The following MED27 variants were observed in gnomAD, a reference collection of about 807,000 sequenced individuals.
MED27 encodes the protein mediator of RNA polymerase II transcription subunit 27.
In MED27, 30 loss-of-function variants were observed where a neutral mutation model predicts 38.2. The observed-to-expected ratio is 0.79, with a 90% confidence interval of 0.59 to 1.07. The LOEUF is 1.07. Among genes scored for constraint, MED27 ranks in the 50% least tolerant of loss-of-function variants. The pLI, the probability that MED27 is intolerant of heterozygous loss-of-function variation, is 0.00. For synonymous variants in MED27, 122 were observed against 153.5 expected, an observed-to-expected ratio of 0.79 and a Z score of 1.52; for missense variants, 289 against 397.5, an observed-to-expected ratio of 0.73 and a Z score of 2.32.
rs79530248 is a variant in MED27 at position 131,872,570 on chromosome 9, C to T, written c.724-9430G>A. On this transcript the variant is annotated intron_variant, in intron 6 of 7. Transcript: ENST00000292035. This position sits in a 1 kb window ranked among gnomAD's most constrained non-coding sequence, Gnocchi z 5.6. ...GACAAAAAGGCAGACAGAGGGGAAC[C>T]GTAAGGAGACCGGGGTTTGACCCTA... 5.5e-3 allele frequency among the ~76,000 whole-genome samples: 842 copies of T among 152,222 alleles called. 7 individuals carry two copies. Among genetic ancestry groups the T allele is most frequent in the African/African-American group, 0.019 (790 of 41,520 alleles).
At position 131,883,488 on chromosome 9, in the gene MED27, A is replaced by G. The variant is rs1257604641; in HGVS notation, c.723+570T>C. 6.6e-6 allele frequency among the ~76,000 whole-genome samples: 1 copy of G among 152,148 alleles called. No individual in the cohort carries two copies. The highest frequency in any genetic ancestry group is 2.4e-5 in the African/African-American group (1 of 41,430). On this transcript the variant is annotated intron_variant, in intron 6 of 7. Coordinates refer to ENST00000292035, the MANE Select transcript of MED27 (RefSeq NM_004269.4). This position sits in a 1 kb window ranked among gnomAD's most constrained non-coding sequence, Gnocchi z 4.2. The stretch of plus-strand genomic sequence containing the variant: ...ACATTTCCCATAACAGTTTTTCATA[A>G]GGAAGCCCAATATCTGAAAAAGATA...
intron 3 of MED27, among the ~76,000 whole-genome samples, chr9:131,975,372 T>C (rs1161768395): frequency 2.0e-5 from 3 of 152,238 alleles, no homozygotes; most frequent in Non-Finnish European, 4.4e-5. Flanking sequence ...TCCTTTCATC[T>C]TGCTGAACAG....
chr9:131,950,067 C>T (rs1172076410), intron 3 of MED27, among the ~76,000 whole-genome samples: 1 of 152,034 alleles, frequency 6.6e-6, no homozygotes, highest in Non-Finnish European at 1.5e-5. Context: ...AACATTTAAG[C>T]AACATACTAA....
At chr9:131,979,321 C>T (rs375457294) in intron 3 of MED27, among the ~76,000 whole-genome samples, 10 of 152,118 alleles carry the variant, frequency 6.6e-5, no homozygotes, top group South Asian at 4.1e-4. Flanking sequence ...CAGGTAAGAT[C>T]CAGAGTATCT....
At chr9:131,943,836 T>C (rs1182330519) in intron 3 of MED27, among the ~76,000 whole-genome samples, 1 of 152,204 alleles carries the variant, frequency 6.6e-6, no homozygotes, top group Non-Finnish European at 1.5e-5. Flanking sequence ...ATTTGGTCAA[T>C]GAGCTGGCTT....
chr9:131,915,560 C>T (rs1830274133), intron 4 of MED27, among the ~76,000 whole-genome samples: 1 of 152,164 alleles, frequency 6.6e-6, no homozygotes, highest in South Asian at 2.1e-4. Context: ...GAAACAATGG[C>T]ACTTTTTAAT....
chr9:131,863,280 T>C (rs546658542), intron 6 of MED27, 140 bp from the exon 7 acceptor site: 14 of 680,816 alleles, frequency 2.1e-5, no homozygotes, highest in Non-Finnish European at 3.2e-5. Flanking sequence ...AAAATCTCTG[T>C]AGAAAAATTA....
At chr9:131,877,195 GCC>G (rs1838950993) in intron 6 of MED27, among the ~76,000 whole-genome samples, 1 of 152,214 alleles carries the variant, frequency 6.6e-6, no homozygotes, top group Non-Finnish European at 1.5e-5. Flanking sequence ...CCTCTTCCAG[GCC>G]TTCATCTGTG....
Position 131,894,196 on chromosome 9 carries a change from C to T in MED27, c.574-204G>A, listed in dbSNP as rs776348486. ...CTGAAAAATGTTTTGGGCCTCAACT[C>T]GTCTAACTTCCCTAAATTTATTTAT... is the stretch of plus-strand genomic sequence containing the variant. On this transcript the variant is annotated intron_variant, in intron 4 of 7. Transcript: ENST00000292035. 1.6e-4 allele frequency among the ~76,000 whole-genome samples: 24 copies of T among 152,208 alleles called. 1 individual carries two copies. The highest frequency in any genetic ancestry group is 2.6e-4 in the Admixed American group (4 of 15,290).
rs1053873979 is a variant in MED27, at chr9:131,861,085, T to C, written c.802-413A>G. ...GCTGTGCATGTGTGCTGAGGAAGCC[T>C]TGGAACCGAGGACAATTCCAGAGTT... On this transcript the variant is annotated intron_variant, in intron 7 of 7. Transcript: ENST00000292035. This position sits in a 1 kb window ranked among gnomAD's most constrained non-coding sequence, Gnocchi z 4.4. 1.3e-5 allele frequency among the ~76,000 whole-genome samples: 2 copies of C among 152,080 alleles called. No homozygotes were observed. Among genetic ancestry groups the C allele is most frequent in the African/African-American group, 4.8e-5 (2 of 41,392 alleles).
At chr9:132,018,588 C>T (rs1207756691) in intron 2 of MED27, among the ~76,000 whole-genome samples, 1 of 152,146 alleles carries the variant, frequency 6.6e-6, no homozygotes, top group African/African-American at 2.4e-5. Context: ...TTCATCACAC[C>T]GATCATGTTC....
At chr9:131,979,002 A>G (rs1453388019) in intron 3 of MED27, among the ~76,000 whole-genome samples, 1 of 152,222 alleles carries the variant, frequency 6.6e-6, no homozygotes, top group Non-Finnish European at 1.5e-5. Flanking sequence ...CCCTTTATGT[A>G]AAGAAATGAA....
At chr9:131,957,972 G>A (rs1246903942) in intron 3 of MED27, among the ~76,000 whole-genome samples, 2 of 151,928 alleles carry the variant, frequency 1.3e-5, no homozygotes, top group Non-Finnish European at 2.9e-5. Context: ...AGTCTGCCTG[G>A]AGTGCAGACT....
chr9:131,996,275 G>A (rs765804608), intron 3 of MED27, among the ~76,000 whole-genome samples: 1 of 152,202 alleles, frequency 6.6e-6, no homozygotes, highest in Admixed American at 6.5e-5. Context: ...GATTTTGACC[G>A]TGAATGAAGA....
chr9:132,064,941 T>C (rs1028831040), intron 2 of MED27, among the ~76,000 whole-genome samples: 2 of 152,096 alleles, frequency 1.3e-5, no homozygotes, highest in Non-Finnish European at 2.9e-5. Context: ...TAAAACTAGG[T>C]GCTTTGGGCA....
Position 131,951,051 on chromosome 9 carries a change from T to C in MED27, c.480-11577A>G, listed in dbSNP as rs375425484. Among the ~76,000 whole-genome samples the C allele has an allele frequency of 6.6e-5, 10 of 152,340 alleles. No homozygotes were observed. The East Asian group carries it at 1.2e-3, about 18-fold the overall frequency. The stretch of plus-strand genomic sequence containing the variant: ...GGGCAGCTGGGTTATAAAGCAGGAC[T>C]GAGATGATGACAAACGGAAAGTAAC... On this transcript the variant is annotated intron_variant, in intron 3 of 7. Coordinates refer to ENST00000292035, the MANE Select transcript of MED27 (RefSeq NM_004269.4).
At chr9:131,912,438 A>T (rs1830208512) in intron 4 of MED27, among the ~76,000 whole-genome samples, 1 of 152,230 alleles carries the variant, frequency 6.6e-6, no homozygotes, top group Non-Finnish European at 1.5e-5. Context: ...AGGCACTGGT[A>T]GCCTGGATCC....
At chr9:131,920,405 C>A (rs954128433) in intron 4 of MED27, among the ~76,000 whole-genome samples, 1 of 152,212 alleles carries the variant, frequency 6.6e-6, no homozygotes, top group Non-Finnish European at 1.5e-5. Flanking sequence ...TCTCTTTACA[C>A]ATACATGCAT....
At chr9:132,005,577 A>C (rs890542558) in intron 3 of MED27, among the ~76,000 whole-genome samples, 1 of 152,182 alleles carries the variant, frequency 6.6e-6, no homozygotes, top group African/African-American at 2.4e-5. Flanking sequence ...TAACTTTTGC[A>C]AAAAAACTGG....
Sources: allele counts gnomAD v4.1 joint callset (sites outside exome capture counted in the v4.1 genomes callset), GRCh38; gene constraint gnomAD v4.1.1; non-coding constraint Gnocchi (gnomAD v3.1); transcripts MANE v1.5; gene names NCBI Gene and HGNC (gene_info 2026-07-23, HGNC 2026-07-21).